Variants in SINHCAF observed in about 807,000 individuals in gnomAD.
SINHCAF encodes SIN3-HDAC complex-associated factor.
In SINHCAF, 3 loss-of-function variants were observed where a neutral mutation model predicts 25.8. The ratio of observed to expected loss-of-function variants is 0.12; its 90% CI spans 0.05 to 0.30. SINHCAF has a LOEUF of 0.30. Among genes scored for constraint, SINHCAF ranks in the 10% least tolerant of loss-of-function variants. The probability of loss-of-function intolerance (pLI) is 1.00; values close to 1 mark genes in which losing one functional copy is unlikely to be tolerated. For synonymous variants in SINHCAF, 70 were observed against 85.5 expected (o/e 0.82, Z 1.00); for missense variants, 121 against 262.3 (o/e 0.46, Z 3.72).
chr12:31,313,993 A>G (rs1320870107), intron 1 of SINHCAF, among the ~76,000 whole-genome samples: 2 of 151,910 alleles, frequency 1.3e-5, no homozygotes, highest in African/African-American at 4.8e-5. Flanking sequence ...AGAGAAAGAG[A>G]ATTAGGAATC....
chr12:31,308,708 C>T (rs937486952), intron 1 of SINHCAF, among the ~76,000 whole-genome samples: 2 of 152,142 alleles, frequency 1.3e-5, no homozygotes, highest in African/African-American at 2.4e-5. Flanking sequence ...AAGTGGGGCG[C>T]TGTATATCCC....
At chr12:31,295,175 A>G (rs760162744) in intron 3 of SINHCAF, 59 bp downstream of exon 3, 1 of 1,050,034 alleles carries the variant, frequency 9.5e-7, no homozygotes, top group Non-Finnish European at 1.4e-6. Context: ...TTAGGGGGAA[A>G]TTAATGTTAC....
intron 5 of SINHCAF, among the ~76,000 whole-genome samples, chr12:31,286,281 C>T (rs1938060514): frequency 1.4e-5 from 2 of 147,090 alleles, no homozygotes; most frequent in Admixed American, 6.8e-5. Context: ...TTTGCTAAAA[C>T]TTTTTTTTTT....
intron 4 of SINHCAF, among the ~76,000 whole-genome samples, chr12:31,293,353 C>T (rs1273094996): frequency 6.6e-6 from 1 of 152,162 alleles, no homozygotes; most frequent in African/African-American, 2.4e-5. Context: ...CCCCTTAAAC[C>T]TGAAAGCAAG....
chr12:31,296,198 C>T (rs1938542822), intron 2 of SINHCAF, among the ~76,000 whole-genome samples: 1 of 152,056 alleles, frequency 6.6e-6, no homozygotes, highest in Non-Finnish European at 1.5e-5. Flanking sequence ...CAGGATCTCA[C>T]TCTGTCACGC....
chr12:31,309,243 C>T (rs908779989), intron 1 of SINHCAF, among the ~76,000 whole-genome samples: 1 of 152,058 alleles, frequency 6.6e-6, no homozygotes, highest in African/African-American at 2.4e-5. Flanking sequence ...TGTCTACAGC[C>T]CGTAAGTTTT....
intron 1 of SINHCAF, chr12:31,302,956 G>A (rs974493583): frequency 1.0e-6 from 1 of 985,290 alleles, no homozygotes; most frequent in Non-Finnish European, 1.2e-6. Context: ...TGTCCAAACT[G>A]CAGCCATCTT....
intron 4 of SINHCAF, among the ~76,000 whole-genome samples, chr12:31,291,402 T>C (rs77736995): frequency 0.068 from 10,323 of 152,270 alleles, 878 homozygotes; most frequent in East Asian, 0.26. Context: ...TGACAAGAGC[T>C]GATATTCAAA....
intron 1 of SINHCAF, among the ~76,000 whole-genome samples, chr12:31,307,550 G>C (rs770332371): frequency 9.2e-5 from 14 of 151,606 alleles, no homozygotes; most frequent in Non-Finnish European, 1.9e-4. Context: ...GCAAGACCCT[G>C]TCTAAAAAAG....
At chr12:31,289,044 A>G (rs1211679869) in intron 4 of SINHCAF, among the ~76,000 whole-genome samples, 1 of 152,212 alleles carries the variant, frequency 6.6e-6, no homozygotes, top group Non-Finnish European at 1.5e-5. Context: ...ACCACAGTGG[A>G]TGGGCTGAGC....
At position 31,281,849 on chromosome 12, in the gene SINHCAF, T is replaced by C. The variant is rs564119818; in HGVS notation, c.*863A>G. The C allele has an allele frequency of 3.3e-5, 5 of 152,294 alleles. No homozygotes were observed. The highest frequency in any genetic ancestry group is 1.9e-4 in the East Asian group (1 of 5,190). 9.4% of individuals were successfully genotyped at this position (152,294 alleles called of 1,614,324 possible). A position where few individuals can be genotyped will look rare whatever the true frequency, so the allele number is the denominator to read the frequency against. ...AGGGAGGCACAGGATGCAACATATA[T>C]AGTCAAGTTACCTCTCTGTATATTT... On this transcript the variant is annotated 3_prime_UTR_variant, in exon 6 of 6. Transcript: ENST00000337682.
intron 1 of SINHCAF, among the ~76,000 whole-genome samples, chr12:31,316,668 G>C (rs934147394): frequency 6.6e-6 from 1 of 152,144 alleles, no homozygotes; most frequent in African/African-American, 2.4e-5. Flanking sequence ...TTATATTAAA[G>C]ACGCTATTTA....
chr12:31,291,790 AAAGAAAG>A (rs1436883848), intron 4 of SINHCAF, among the ~76,000 whole-genome samples: 1 of 101,090 alleles, frequency 9.9e-6, no homozygotes, highest in East Asian at 2.5e-4. Flanking sequence ...AAAAAAAAAG[AAAGAAAG>A]AAGAGAATAC....
intron 2 of SINHCAF, among the ~76,000 whole-genome samples, chr12:31,296,654 G>A (rs1338497334): frequency 1.3e-5 from 2 of 151,716 alleles, no homozygotes; most frequent in African/African-American, 4.8e-5. Context: ...GGGAGTTCGA[G>A]ACCAGCCTGG....
At chr12:31,311,741 C>T in intron 1 of SINHCAF, 2 of 514,602 alleles carry the variant, frequency 3.9e-6, no homozygotes, top group Non-Finnish European at 7.6e-6. Context: ...GACTTTATCA[C>T]TCCATACTTG....
chr12:31,282,553 C>T lies in SINHCAF; in HGVS notation c.*159G>A, dbSNP rs1287021186. The T allele has an allele frequency of 2.3e-5, 12 of 522,910 alleles. No individual in the cohort carries two copies. Among genetic ancestry groups the T allele is most frequent in the East Asian group, 1.0e-4 (3 of 29,950 alleles). 32.4% of individuals were successfully genotyped at this position (522,910 alleles called of 1,614,324 possible). On this transcript the variant is annotated 3_prime_UTR_variant, in exon 6 of 6. Coordinates refer to ENST00000337682, the MANE Select transcript of SINHCAF (RefSeq NM_001135812.2). ...AGGAGAATCACTTGAACCCGGGAGA[C>T]GGAAGTTGCAGTGAGCCAAGATCAC...
At chr12:31,296,733 T>A (rs1938564655) in intron 2 of SINHCAF, among the ~76,000 whole-genome samples, 1 of 152,100 alleles carries the variant, frequency 6.6e-6, no homozygotes, top group Non-Finnish European at 1.5e-5. Context: ...TACATGCCTG[T>A]AGTCCCAGCT....
rs532127513 is a variant in SINHCAF at position 31,325,191 on chromosome 12, G to A, written c.-21+833C>T. 1.0e-4 allele frequency: 47 copies of A among 456,784 alleles called. No individual in the cohort carries two copies. Among genetic ancestry groups the A allele is most frequent in the South Asian group, 6.8e-4 (44 of 64,576 alleles). The allele number at this position is 456,784 out of a possible 1,614,324, so 28.3% of individuals were successfully genotyped here. ...CCGCCCATAAACGGGAAGCCCTCGC[G>A]GTGTCGCCCACACCTACGCTACAGG... On this transcript the variant is annotated intron_variant, in intron 1 of 5. Coordinates refer to ENST00000337682, the MANE Select transcript of SINHCAF (RefSeq NM_001135812.2). The surrounding 1 kb of genome is among the most constrained non-coding windows in gnomAD (Gnocchi z 5.9).
intron 2 of SINHCAF, among the ~76,000 whole-genome samples, chr12:31,295,573 A>C (rs1160689507): frequency 2.0e-5 from 3 of 152,186 alleles, no homozygotes; most frequent in African/African-American, 7.2e-5. Context: ...AATGCTTTTA[A>C]AATTAAATAG....
Sources: allele counts gnomAD v4.1 joint callset (sites outside exome capture counted in the v4.1 genomes callset), GRCh38; gene constraint gnomAD v4.1.1; non-coding constraint Gnocchi (gnomAD v3.1); transcripts MANE v1.5; gene names NCBI Gene and HGNC (gene_info 2026-07-23, HGNC 2026-07-21).